RANBP2: variants seen among roughly 807,000 people sequenced by gnomAD.
RANBP2 encodes the protein E3 SUMO-protein ligase RanBP2.
In RANBP2, 57 loss-of-function variants were observed where a neutral mutation model predicts 303.6. The ratio of observed to expected loss-of-function variants is 0.19; its 90% CI spans 0.15 to 0.23. The LOEUF (loss-of-function observed/expected upper bound fraction) is 0.23, where lower values mean the gene tolerates loss of function less well. Ranked by LOEUF, RANBP2 falls within the 10% of genes least tolerant of loss-of-function variation. The pLI, the probability that RANBP2 is intolerant of heterozygous loss-of-function variation, is 1.00. For missense variants in RANBP2, 3,138 were observed against 3,780.8 expected, an observed-to-expected ratio of 0.83 and a Z score of 4.46; for synonymous variants, 1,167 against 1,301.5, an observed-to-expected ratio of 0.90 and a Z score of 2.23.
At chr2:109,702,610 C>G in the RANBP2 span, among the ~76,000 whole-genome samples, 1 of 152,112 alleles carries the variant, frequency 6.6e-6, no homozygotes, top group Non-Finnish European at 1.5e-5. Flanking sequence ...TAAGACATAC[C>G]CTTGTACTCA....
chr2:108,736,065 GA>G (rs760225615), intron 5 of RANBP2, 38 bp from the exon 6 acceptor site: 2 of 1,611,652 alleles, frequency 1.2e-6, no homozygotes, highest in Non-Finnish European at 1.7e-6. Context: ...CTTAACATTT[GA>G]TTAAGTTTTG....
the RANBP2 span, among the ~76,000 whole-genome samples, chr2:109,223,511 A>G: frequency 6.6e-6 from 1 of 152,220 alleles, no homozygotes; most frequent in Admixed American, 6.5e-5. Flanking sequence ...GTGGCTGGAA[A>G]TGAGCAGAAT....
chr2:109,130,218 C>G, the RANBP2 span: 7 of 1,082,428 alleles, frequency 6.5e-6, no homozygotes, highest in Non-Finnish European at 8.2e-6. Flanking sequence ...CACGGGTGGT[C>G]CTGCGTTGGC....
At chr2:109,184,212 C>T in the RANBP2 span, among the ~76,000 whole-genome samples, 145 of 152,318 alleles carry the variant, frequency 9.5e-4, 2 homozygotes, top group South Asian at 3.5e-3. Flanking sequence ...GTCTGAATTT[C>T]TACACTCCCT....
the RANBP2 span, among the ~76,000 whole-genome samples, chr2:109,639,360 C>T: frequency 6.6e-6 from 1 of 152,154 alleles, no homozygotes; most frequent in African/African-American, 2.4e-5. Context: ...GTGGCTCACG[C>T]CTGTAATCCC....
At chr2:108,807,113 T>C in the RANBP2 span, among the ~76,000 whole-genome samples, 1 of 152,124 alleles carries the variant, frequency 6.6e-6, no homozygotes, top group Non-Finnish European at 1.5e-5. Context: ...CAGAATTGCA[T>C]AACTGAGAAT....
the RANBP2 span, among the ~76,000 whole-genome samples, chr2:109,181,443 G>A: frequency 4.6e-5 from 7 of 152,168 alleles, no homozygotes; most frequent in African/African-American, 7.2e-5. Context: ...TGCATCTGGC[G>A]CTGTAAGGGT....
rs1245391221 is a variant in RANBP2, at chr2:108,719,498, G to A, written c.-109G>A. On this transcript the variant is annotated 5_prime_UTR_variant, in exon 1 of 29. Coordinates refer to ENST00000283195, the MANE Select transcript of RANBP2 (RefSeq NM_006267.5). ...AAGTTCGTCACAGTGGTCCTCCGCC[G>A]GCTACGGCGCTGCGTCACTGGTTTG... The A allele has an allele frequency of 1.3e-4, 200 of 1,519,712 alleles. No individual in the cohort carries two copies. Among genetic ancestry groups the A allele is most frequent in the Non-Finnish European group, 1.7e-4 (192 of 1,128,496 alleles). The allele number at this position is 1,519,712 out of a possible 1,614,324, so 94.1% of individuals were successfully genotyped here.
the RANBP2 span, among the ~76,000 whole-genome samples, chr2:108,939,052 A>G: frequency 6.6e-6 from 1 of 151,992 alleles, no homozygotes; most frequent in Non-Finnish European, 1.5e-5. Flanking sequence ...TGCTGGGATT[A>G]CAGGCATGAG....
chr2:108,938,794 C>T, the RANBP2 span, among the ~76,000 whole-genome samples: 30 of 147,004 alleles, frequency 2.0e-4, no homozygotes, highest in African/African-American at 6.6e-4. Context: ...CTTCCCCCCC[C>T]GCCCCACCCC....
the RANBP2 span, among the ~76,000 whole-genome samples, chr2:109,168,616 T>C: frequency 3.3e-5 from 5 of 152,212 alleles, no homozygotes; most frequent in Non-Finnish European, 7.3e-5. Flanking sequence ...CCGTAGGTGG[T>C]AAGAATCTTA....
chr2:109,194,902 A>AG, the RANBP2 span, among the ~76,000 whole-genome samples: 2 of 152,192 alleles, frequency 1.3e-5, no homozygotes, highest in Non-Finnish European at 2.9e-5. Context: ...TACTTGGAAA[A>AG]GAAAAAAGAA....
At chr2:108,759,386 C>G (rs1416775956) in intron 18 of RANBP2, among the ~76,000 whole-genome samples, 1 of 152,060 alleles carries the variant, frequency 6.6e-6, no homozygotes, top group Non-Finnish European at 1.5e-5. Flanking sequence ...GGTGTAACTC[C>G]AAAGCACTTG....
the RANBP2 span, among the ~76,000 whole-genome samples, chr2:109,595,323 A>T: frequency 6.6e-6 from 1 of 152,344 alleles, no homozygotes; most frequent in African/African-American, 2.4e-5. Flanking sequence ...CTAAAAGGCA[A>T]AAAGTATGTA....
intron 6 of RANBP2, among the ~76,000 whole-genome samples, chr2:108,739,564 T>C (rs1695904479): frequency 6.6e-6 from 1 of 152,232 alleles, no homozygotes; most frequent in African/African-American, 2.4e-5. Context: ...CTTGCTCTGG[T>C]TGCTTTATTG....
chr2:109,683,275 G>A, the RANBP2 span, among the ~76,000 whole-genome samples: 36 of 152,206 alleles, frequency 2.4e-4, no homozygotes, highest in Middle Eastern at 3.4e-3. Flanking sequence ...CAAAGTGCTC[G>A]GATTATAAGC....
the RANBP2 span, among the ~76,000 whole-genome samples, chr2:109,612,791 C>T: frequency 6.6e-6 from 1 of 152,050 alleles, no homozygotes; most frequent in Non-Finnish European, 1.5e-5. Context: ...AAAAAATACG[C>T]GATAGAATGA....
At chr2:109,664,125 A>G in the RANBP2 span, among the ~76,000 whole-genome samples, 1 of 152,182 alleles carries the variant, frequency 6.6e-6, no homozygotes, top group East Asian at 1.9e-4. Flanking sequence ...CTCCTCTTCT[A>G]CTACCTCTTG....
At chr2:108,969,706 G>A in the RANBP2 span, among the ~76,000 whole-genome samples, 1 of 152,196 alleles carries the variant, frequency 6.6e-6, no homozygotes, top group Non-Finnish European at 1.5e-5. Context: ...TCTCAGTGCT[G>A]AAAGAAATAT....
Sources: gnomAD v4.1 joint callset for allele counts (sites outside exome capture counted in the v4.1 genomes callset) on GRCh38, gnomAD v4.1.1 for gene constraint, MANE v1.5 for transcripts, NCBI Gene and HGNC (gene_info 2026-07-23, HGNC 2026-07-21) for gene names.